DMD: variants seen among roughly 807,000 people sequenced by gnomAD.
DMD encodes the protein mutant dystrophin.
Under a neutral mutation model 330.1 loss-of-function variants are expected in DMD, and 63 were observed. The observed-to-expected ratio is 0.19, with a 90% CI of 0.16 to 0.24. The LOEUF (loss-of-function observed/expected upper bound fraction) is 0.24, where lower values mean the gene tolerates loss of function less well. Ranked by LOEUF, DMD falls within the 10% of genes least tolerant of loss-of-function variation. The probability of loss-of-function intolerance (pLI) is 1.00; values close to 1 mark genes in which losing one functional copy is unlikely to be tolerated. For synonymous variants in DMD, 1,223 were observed against 959.8 expected, an observed-to-expected ratio of 1.27 and a Z score of -5.07; for missense variants, 3,344 against 2,684.1, an observed-to-expected ratio of 1.25 and a Z score of -5.43.
At chrX:32,657,298 C>G (rs1406705018) in intron 9 of DMD, among the ~76,000 whole-genome samples, 11 of 111,017 alleles carry the variant, frequency 9.9e-5, no homozygotes, top group Non-Finnish European at 1.9e-4. Flanking sequence ...GAGAAATGTA[C>G]CTAGAACAAT....
At chrX:32,676,451 C>G (rs1480909128) in intron 9 of DMD, among the ~76,000 whole-genome samples, 2 of 111,441 alleles carry the variant, frequency 1.8e-5, no homozygotes, top group Non-Finnish European at 3.8e-5. Context: ...TCCAAGTCCT[C>G]AGAGTCTCAC....
intron 43 of DMD, among the ~76,000 whole-genome samples, chrX:32,253,593 TTATCTC>T (rs769117731): frequency 7.0e-4 from 76 of 109,273 alleles, no homozygotes; most frequent in African/African-American, 2.4e-3. Context: ...AGGGAATTAT[TTATCTC>T]TATATCAATC....
intron 44 of DMD, among the ~76,000 whole-genome samples, chrX:32,084,763 G>A (rs1390934403): frequency 1.8e-5 from 2 of 110,966 alleles, no homozygotes; most frequent in African/African-American, 6.6e-5. Context: ...TTGGGATTAC[G>A]GAATTCAGGA....
rs772614528 is a variant in DMD at position 32,441,291 on chromosome X, C to G, written c.3810G>C (p.Glu1270Asp). The change falls in exon 28 of 79, where the codon GAG becomes GAC. Residue 1270 changes from glutamate (E) to aspartate (D), a missense_variant. Glu to Asp is a conservative substitution (Grantham distance 45). Transcript: ENST00000357033. ...TTGCTTTCTCCAAGTATGACAATAA[C>G]TCATGCCAACATGCCCAAACTTCCT... is the stretch of plus-strand genomic sequence containing the variant. ...TLEEVWACWH[E>D]LLSYLEKANK... The G allele has an allele frequency of 3.3e-6, 4 of 1,208,399 alleles. No homozygotes were observed. The highest frequency in any genetic ancestry group is 4.5e-6 in the Non-Finnish European group (4 of 892,785).
At chrX:32,735,044 G>A (rs1225848172) in intron 7 of DMD, among the ~76,000 whole-genome samples, 1 of 111,141 alleles carries the variant, frequency 9.0e-6, no homozygotes, top group Non-Finnish European at 1.9e-5. Context: ...ATCTCCTTAA[G>A]CTGATAGGGA....
At chrX:32,215,391 T>A (rs1188572339) in intron 44 of DMD, among the ~76,000 whole-genome samples, 1 of 111,216 alleles carries the variant, frequency 9.0e-6, no homozygotes, top group Non-Finnish European at 1.9e-5. Context: ...TACACCAAGT[T>A]ACATCAAAAC....
At chrX:32,097,976 G>A (rs1029080565) in intron 44 of DMD, among the ~76,000 whole-genome samples, 1 of 110,949 alleles carries the variant, frequency 9.0e-6, no homozygotes, top group Non-Finnish European at 1.9e-5. Context: ...ATGCTAGCGA[G>A]TTTGGGGCAA....
chrX:33,213,864 A>G (rs1339107536), upstream of DMD, among the ~76,000 whole-genome samples: 2 of 111,127 alleles, frequency 1.8e-5, no homozygotes, highest in Non-Finnish European at 1.9e-5. Flanking sequence ...CAACCTCCAC[A>G]AATAAACACC....
intron 34 of DMD, among the ~76,000 whole-genome samples, chrX:32,378,071 T>G (rs1178473168): frequency 9.0e-6 from 1 of 110,802 alleles, no homozygotes; most frequent in African/African-American, 3.3e-5. Flanking sequence ...TCCCATTTAT[T>G]TTCTTCTGGC....
intron 67 of DMD, among the ~76,000 whole-genome samples, chrX:31,190,730 C>G (rs2042261093): frequency 9.3e-6 from 1 of 107,776 alleles, no homozygotes; most frequent in Non-Finnish European, 1.9e-5. Context: ...TGATTCGGGC[C>G]AAAGCATCAG....
Position 31,517,581 on chromosome X carries a change from T to C in DMD, c.8218-10128A>G, listed in dbSNP as rs140882304. ...ACATTGTGAAAATAGCATCTGGTAATGATTATTGGGAGGATGGTGTTCAGG... is the reference window on the plus strand; with the variant it reads ...ACATTGTGAAAATAGCATCTGGTAACGATTATTGGGAGGATGGTGTTCAGG... On this transcript the variant is annotated intron_variant, in intron 55 of 78. Transcript: ENST00000357033. 3.0e-3 allele frequency among the ~76,000 whole-genome samples: 332 copies of C among 110,864 alleles called. 1 individual carries two copies. Among genetic ancestry groups the C allele is most frequent in the African/African-American group, 0.01 (319 of 30,493 alleles).
At chrX:33,222,217 C>A (rs763500437) in intron 1 of DMD, among the ~76,000 whole-genome samples, 2 of 111,878 alleles carry the variant, frequency 1.8e-5, no homozygotes, top group Non-Finnish European at 3.8e-5. Flanking sequence ...GGGTTTATTT[C>A]CAGGATGTAA....
intron 1 of DMD, among the ~76,000 whole-genome samples, chrX:33,149,969 T>G (rs936851281): frequency 8.9e-6 from 1 of 111,999 alleles, no homozygotes; most frequent in Non-Finnish European, 1.9e-5. Context: ...AAGAATCAAC[T>G]GTGATTGTTC....
intron 44 of DMD, among the ~76,000 whole-genome samples, chrX:32,100,374 GAT>G (rs71843068): frequency 0.058 from 5,882 of 101,025 alleles, 253 homozygotes; most frequent in East Asian, 0.18. Flanking sequence ...TATTTTCCCA[GAT>G]ATATATATAT....
At chrX:32,897,686 T>C (rs1395919274) in intron 2 of DMD, among the ~76,000 whole-genome samples, 1 of 112,581 alleles carries the variant, frequency 8.9e-6, no homozygotes, top group Non-Finnish European at 1.9e-5. Flanking sequence ...TTTTCCATTT[T>C]GAAGTTCAAA....
In DMD at chrX:32,389,536, G is replaced by T. The variant is rs748769566; in HGVS notation, c.4483C>A (p.Gln1495Lys). Residue 1495 changes from glutamine (Q) to lysine (K), a missense_variant, in exon 32 of 79, where the codon CAG (glutamine) becomes AAG (lysine). By Grantham distance (53) the Gln-to-Lys change is moderately conservative. Transcript: ENST00000357033. ...LPALETKSVE[Q>K]EVVQSQLNHC... ...TTTAGCTGTGACTGTACTACTTCCT[G>T]TTCCACACTCTTTGTTTCCAATGCA... 3 of 1,211,172 alleles carry T rather than the reference G, an allele frequency of 2.5e-6. No individual in the cohort carries two copies. Among genetic ancestry groups the T allele is most frequent in the Non-Finnish European group, 3.4e-6 (3 of 895,076 alleles).
rs764765257 is a variant in DMD, at chrX:32,731,697, G to C, written c.650-32404C>G. Among the ~76,000 whole-genome samples, 8 of 111,816 alleles carry C rather than the reference G, an allele frequency of 7.2e-5. No homozygotes were observed. In the South Asian group the frequency reaches 2.3e-3, roughly 32 times the overall value. Reference sequence around the variant, plus strand: ...GGTACTCCAACAGACCTGCAGCTGAGGGTCCTGTCTGTTAGAAGGAAAACT... The same window carrying C: ...GGTACTCCAACAGACCTGCAGCTGACGGTCCTGTCTGTTAGAAGGAAAACT... On this transcript the variant is annotated intron_variant, in intron 7 of 78. Coordinates refer to ENST00000357033, the MANE Select transcript of DMD (RefSeq NM_004006.3).
At chrX:31,463,742 A>C (rs949726833) in intron 59 of DMD, among the ~76,000 whole-genome samples, 2 of 111,905 alleles carry the variant, frequency 1.8e-5, no homozygotes, top group African/African-American at 3.2e-5. Flanking sequence ...TGGTACATGC[A>C]CATGTATACA....
At chrX:32,737,396 A>C (rs1309132460) in intron 7 of DMD, among the ~76,000 whole-genome samples, 1 of 111,412 alleles carries the variant, frequency 9.0e-6, no homozygotes, top group Non-Finnish European at 1.9e-5. Context: ...TAGGTCTTAT[A>C]AAACTTCCCC....
Sources: gnomAD v4.1 joint callset for allele counts (sites outside exome capture counted in the v4.1 genomes callset) on GRCh38, gnomAD v4.1.1 for gene constraint, MANE v1.5 for transcripts, NCBI Gene and HGNC (gene_info 2026-07-23, HGNC 2026-07-21) for gene names.